The following CEP152 variants were observed in gnomAD, a reference collection of about 807,000 sequenced individuals.
The protein encoded by CEP152 is centrosomal protein 152.
CEP152 carries 132 observed loss-of-function variants against 188.9 expected under a neutral mutation model. The ratio of observed to expected loss-of-function variants is 0.70; its 90% CI spans 0.61 to 0.81. CEP152 has a LOEUF of 0.81. Ranked by LOEUF, CEP152 falls within the 30% of genes least tolerant of loss-of-function variation. The pLI is 0.00. For missense variants in CEP152, 1,914 were observed against 1,969.8 expected (o/e 0.97, Z 0.54); for synonymous variants, 649 against 666.6 (o/e 0.97, Z 0.41).
chr15:48,749,854 A>G (rs887804944), intron 21 of CEP152, among the ~76,000 whole-genome samples: 3 of 152,108 alleles, frequency 2.0e-5, no homozygotes, highest in African/African-American at 7.2e-5. Flanking sequence ...AAAATGCTAT[A>G]AGACATTATT....
chr15:48,756,351 T>C lies in CEP152; in HGVS notation c.2897A>G (p.Glu966Gly), dbSNP rs200414138. The C allele has an allele frequency of 6.3e-7, 1 of 1,575,288 alleles. No homozygotes were observed. The highest frequency in any genetic ancestry group is 8.6e-7 in the Non-Finnish European group (1 of 1,164,650). Reference protein sequence around the residue: ...ARSEWNKEKQEEIHRIQEQNE... With the variant: ...ARSEWNKEKQGEIHRIQEQNE... The stretch of plus-strand genomic sequence containing the variant: ...TTGTTCTTGGATTCTGTGGATTTCT[T>C]CTTGCTTTTCTTTGTTCCATTCACT... Residue 966 changes from glutamate (E) to glycine (G), a missense_variant, in exon 20 of 27, where the codon GAA (glutamate) becomes GGA (glycine). Glu to Gly is a moderately conservative substitution (Grantham distance 98, BLOSUM62 -2). Transcript: ENST00000380950.
At chr15:48,736,432 C>T (rs1333546935), downstream of CEP152, among the ~76,000 whole-genome samples, 2 of 152,078 alleles carry the variant, frequency 1.3e-5, no homozygotes, top group Non-Finnish European at 1.5e-5. Flanking sequence ...AAAAAAAGGG[C>T]TAAATATCAT....
Position 48,762,583 on chromosome 15 carries a change from A to G in CEP152, c.2370T>C (p.Asp790=), listed in dbSNP as rs1253288190. 5 of 1,614,064 alleles carry G rather than the reference A, an allele frequency of 3.1e-6. No individual in the cohort carries two copies. Among genetic ancestry groups the G allele is most frequent in the Non-Finnish European group, 8.5e-7 (1 of 1,180,002 alleles). ...TIKAMKKKTL[D]CGSQTDQVTT... ...TTACTTGGTCAGTTTGGCTGCCACAATCTAAGGTCTTCTTTTTCATTGCCT... is the reference window on the plus strand; with the variant it reads ...TTACTTGGTCAGTTTGGCTGCCACAGTCTAAGGTCTTCTTTTTCATTGCCT... Residue 790 remains aspartate (D), a synonymous_variant, in exon 18 of 27, where the codon GAT becomes GAC. Transcript: ENST00000380950.
intron 22 of CEP152, among the ~76,000 whole-genome samples, chr15:48,746,602 G>A (rs907239758): frequency 6.6e-6 from 1 of 152,122 alleles, no homozygotes; most frequent in African/African-American, 2.4e-5. Context: ...TAAGTACTAA[G>A]AGTAATAAGT....
At chr15:48,806,299 A>C (rs956792118) in intron 1 of CEP152, among the ~76,000 whole-genome samples, 1 of 147,288 alleles carries the variant, frequency 6.8e-6, no homozygotes, top group African/African-American at 2.4e-5. Flanking sequence ...CAATTCCAAA[A>C]GCAACAGCAA....
chr15:48,758,780 C>CTCTAGGAG (rs1262542082), intron 19 of CEP152, among the ~76,000 whole-genome samples: 1 of 148,064 alleles, frequency 6.8e-6, no homozygotes, highest in Admixed American at 6.7e-5. Flanking sequence ...ATATCATTAT[C>CTCTAGGAG]TCTAGGAGGA....
intron 2 of CEP152, among the ~76,000 whole-genome samples, chr15:48,798,387 G>C (rs1386822118): frequency 6.6e-6 from 1 of 152,064 alleles, no homozygotes; most frequent in East Asian, 1.9e-4. Context: ...CACAGGGCAG[G>C]CAGACTAAGT....
At chr15:48,772,083 T>A (rs1042141547) in intron 13 of CEP152, among the ~76,000 whole-genome samples, 9 of 152,206 alleles carry the variant, frequency 5.9e-5, no homozygotes, top group Non-Finnish European at 1.2e-4. Flanking sequence ...AAATGTCAAA[T>A]AAACTCCTGA....
In CEP152 at chr15:48,767,164, C is replaced by G; in HGVS notation, c.2176G>C (p.Val726Leu). 1 of 1,613,840 alleles carries G rather than the reference C, an allele frequency of 6.2e-7. No individual in the cohort carries two copies. The highest frequency in any genetic ancestry group is 8.5e-7 in the Non-Finnish European group (1 of 1,180,020). ...RSELDKLNKE[V>L]TAVQECYLEV... The stretch of plus-strand genomic sequence containing the variant: ...AGGTAACATTCCTGCACAGCAGTCA[C>G]CTCCTTATTCAACTTATCCAACTCA... Residue 726 changes from valine to leucine, a missense_variant, in exon 17 of 27, where the codon GTG (valine) becomes CTG (leucine). Transcript: ENST00000380950.
At chr15:48,775,664 T>C (rs6493338) in intron 12 of CEP152, among the ~76,000 whole-genome samples, 32,194 of 152,110 alleles carry the variant, frequency 0.21, 4,480 homozygotes, top group East Asian at 0.47. Flanking sequence ...ATTCTATTTA[T>C]ATGAAATGCA....
chr15:48,732,996 G>A (rs189362222), downstream of CEP152, among the ~76,000 whole-genome samples: 5 of 152,044 alleles, frequency 3.3e-5, no homozygotes, highest in South Asian at 2.1e-4. Flanking sequence ...GAGGCTGAGC[G>A]GGGAGGATCA....
intron 12 of CEP152, among the ~76,000 whole-genome samples, chr15:48,778,174 T>C (rs1349148354): frequency 6.6e-6 from 1 of 152,202 alleles, no homozygotes; most frequent in Non-Finnish European, 1.5e-5. Context: ...AAATAGAACA[T>C]TGAGGCTAAA....
chr15:48,757,945 T>C (rs1046894590), intron 19 of CEP152, among the ~76,000 whole-genome samples: 2 of 152,226 alleles, frequency 1.3e-5, no homozygotes, highest in African/African-American at 2.4e-5. Flanking sequence ...CTGCCCAACC[T>C]TACCAAAATG....
chr15:48,793,311 A>T lies in CEP152; in HGVS notation c.832+10T>A. 1 of 1,613,688 alleles carries T rather than the reference A, an allele frequency of 6.2e-7. No homozygotes were observed. On this transcript the variant is annotated intron_variant, in intron 7 of 26. Transcript: ENST00000380950. Reference sequence around the variant, plus strand: ...GTGTACCTCATAAATGACAGCATCCAGCATCTTACCTTTTATTATTACAAG... The same window carrying T: ...GTGTACCTCATAAATGACAGCATCCTGCATCTTACCTTTTATTATTACAAG...
chr15:48,766,651 G>C (rs1478310946), intron 17 of CEP152, among the ~76,000 whole-genome samples: 1 of 152,196 alleles, frequency 6.6e-6, no homozygotes, highest in Non-Finnish European at 1.5e-5. Context: ...ATGAGGTAGT[G>C]AGAAAGAAAT....
At chr15:48,764,572 C>A (rs1237706094) in intron 17 of CEP152, among the ~76,000 whole-genome samples, 1 of 152,146 alleles carries the variant, frequency 6.6e-6, no homozygotes, top group Non-Finnish European at 1.5e-5. Context: ...GAAATGGCAT[C>A]AGGAATGGGA....
chr15:48,791,385 T>C lies in CEP152; in HGVS notation c.833-9A>G. 6.2e-7 allele frequency: 1 copy of C among 1,607,976 alleles called. No individual in the cohort carries two copies. The highest frequency in any genetic ancestry group is 8.5e-7 in the Non-Finnish European group (1 of 1,177,368). ...CAAACCATCCTTTTCATCTACGGTATTAAAAATGTTTATATAAATAATGTT... is the reference window on the plus strand; with the variant it reads ...CAAACCATCCTTTTCATCTACGGTACTAAAAATGTTTATATAAATAATGTT... On this transcript the variant is annotated splice_polypyrimidine_tract_variant and intron_variant, in intron 7 of 26. Coordinates refer to ENST00000380950, the MANE Select transcript of CEP152 (RefSeq NM_001194998.2).
In CEP152 at chr15:48,738,514, C is replaced by CT; in HGVS notation, c.4867dup (p.Ser1623LysfsTer2). ...TTTCATTGTTTGACAAATCATATTA[C>CT]TTTCCTCTGTATCTGAAAGATAACC... On this transcript the variant is annotated frameshift_variant, in exon 27 of 27. Coordinates refer to ENST00000380950, the MANE Select transcript of CEP152 (RefSeq NM_001194998.2). LOFTEE classifies it low-confidence loss of function (END_TRUNC). 6.2e-7 allele frequency: 1 copy of CT among 1,614,216 alleles called. No individual in the cohort carries two copies. Among genetic ancestry groups the CT allele is most frequent in the Non-Finnish European group, 8.5e-7 (1 of 1,180,032 alleles).
chr15:48,738,009 G>C lies in CEP152; in HGVS notation c.*240C>G. ...GAGTCAATTTATAAGTATAAAAATA[G>C]ATGGTTTAGAAACCAAAAATAAGCA... On this transcript the variant is annotated 3_prime_UTR_variant, in exon 27 of 27. Transcript: ENST00000380950. The C allele has an allele frequency of 2.2e-6, 1 of 457,338 alleles. No homozygotes were observed. The highest frequency in any genetic ancestry group is 3.9e-6 in the Non-Finnish European group (1 of 259,378). The allele number at this position is 457,338 out of a possible 1,614,324, so 28.3% of individuals were successfully genotyped here.
Sources: allele counts gnomAD v4.1 joint callset (sites outside exome capture counted in the v4.1 genomes callset), GRCh38; gene constraint gnomAD v4.1.1; transcripts MANE v1.5; gene names NCBI Gene and HGNC (gene_info 2026-07-23, HGNC 2026-07-21).